Variants in PCBP3 observed in about 807,000 individuals in gnomAD.
PCBP3 encodes the protein poly(rC)-binding protein 3.
A neutral mutation model predicts 52.7 loss-of-function variants in PCBP3; 25 were observed. The ratio of observed to expected loss-of-function variants is 0.47; its 90% CI spans 0.35 to 0.66. The LOEUF is 0.66. Among genes scored for constraint, PCBP3 ranks in the 30% least tolerant of loss-of-function variants. The pLI is 0.01. For missense variants in PCBP3, 391 were observed against 490.3 expected, an observed-to-expected ratio of 0.80 and a Z score of 1.91; for synonymous variants, 162 against 183.0, an observed-to-expected ratio of 0.89 and a Z score of 0.93.
intron 1 of PCBP3, among the ~76,000 whole-genome samples, chr21:45,662,271 GTTTTTTTTTTTTTTTTTT>G (rs59220095): frequency 2.1e-5 from 2 of 97,274 alleles, no homozygotes; most frequent in African/African-American, 9.4e-5. Context: ...ATATACCTAA[GTTTTTTTTTTTTTTTTTT>G]TTTTTTTTTT....
chr21:45,680,351 C>T (rs1886298897), intron 2 of PCBP3, among the ~76,000 whole-genome samples: 1 of 152,068 alleles, frequency 6.6e-6, no homozygotes, highest in South Asian at 2.1e-4. Context: ...TATCCATGAA[C>T]TTAGTATGTC....
At chr21:45,652,129 CAAAT>C (rs1267301933) in intron 1 of PCBP3, among the ~76,000 whole-genome samples, 1 of 152,200 alleles carries the variant, frequency 6.6e-6, no homozygotes, top group Non-Finnish European at 1.5e-5. Flanking sequence ...GACACTGAGA[CAAAT>C]AAAGCCTTGT....
chr21:45,746,967 G>T (rs199876678), intron 3 of PCBP3, among the ~76,000 whole-genome samples: 3 of 146,410 alleles, frequency 2.0e-5, no homozygotes, highest in African/African-American at 5.1e-5. Context: ...TGTCAGCATC[G>T]CTGTGTCAGT....
chr21:45,672,997 G>A (rs562770967), intron 2 of PCBP3, among the ~76,000 whole-genome samples: 13 of 152,156 alleles, frequency 8.5e-5, no homozygotes, highest in Non-Finnish European at 1.5e-4. Flanking sequence ...GAGGCTGGGT[G>A]TGTGCATTAT....
At chr21:45,814,630 GGTGAGTGGTGA>G (rs1429363166) in intron 4 of PCBP3, among the ~76,000 whole-genome samples, 52 of 132,506 alleles carry the variant, frequency 3.9e-4, no homozygotes, top group Admixed American at 1.3e-3. Context: ...AGTGATGAGT[GGTGAGTGGTGA>G]GTGAGTGGTG....
chr21:45,909,824 G>A (rs549289630), intron 10 of PCBP3, among the ~76,000 whole-genome samples: 1 of 8,084 alleles, frequency 1.2e-4, no homozygotes. Context: ...ATACGGACCC[G>A]GCCCACCCAC....
intron 2 of PCBP3, among the ~76,000 whole-genome samples, chr21:45,730,299 T>C (rs554035414): frequency 3.9e-5 from 6 of 152,038 alleles, no homozygotes; most frequent in African/African-American, 7.2e-5. Flanking sequence ...TATTTAGACA[T>C]GTGCTGTTTA....
chr21:45,872,916 T>C (rs1603460562), intron 5 of PCBP3: 2 of 152,246 alleles, frequency 1.3e-5, no homozygotes. Flanking sequence ...TCATATATAC[T>C]GCTGATTGCA....
At chr21:45,885,360 T>C (rs1213781058) in intron 5 of PCBP3, among the ~76,000 whole-genome samples, 1 of 152,190 alleles carries the variant, frequency 6.6e-6, no homozygotes, top group Non-Finnish European at 1.5e-5. Context: ...CAATGTGTGT[T>C]TGTGTGGATT....
chr21:45,720,725 A>G (rs1489346581), intron 2 of PCBP3, among the ~76,000 whole-genome samples: 1 of 152,164 alleles, frequency 6.6e-6, no homozygotes, highest in African/African-American at 2.4e-5. Flanking sequence ...GTTTTGACAG[A>G]TGCTTCTCTT....
At chr21:45,852,264 G>T (rs1322049406) in intron 5 of PCBP3, among the ~76,000 whole-genome samples, 5 of 152,240 alleles carry the variant, frequency 3.3e-5, no homozygotes, top group Admixed American at 1.3e-4. Context: ...AAAGCTGACG[G>T]CTTCGAAGGT....
chr21:45,856,240 G>T (rs2094289385), intron 5 of PCBP3, among the ~76,000 whole-genome samples: 2 of 152,174 alleles, frequency 1.3e-5, no homozygotes, highest in Non-Finnish European at 2.9e-5. Context: ...GCCTCTAAGG[G>T]TGGACACCTA....
chr21:45,782,979 G>T (rs1306745107), intron 4 of PCBP3, among the ~76,000 whole-genome samples: 1 of 152,180 alleles, frequency 6.6e-6, no homozygotes, highest in Non-Finnish European at 1.5e-5. Flanking sequence ...CATGTAGTTT[G>T]TACTCCCACT....
chr21:45,689,420 A>G (rs957281763), intron 2 of PCBP3, among the ~76,000 whole-genome samples: 12 of 152,118 alleles, frequency 7.9e-5, no homozygotes, highest in African/African-American at 2.9e-4. Context: ...AGGAAACAAA[A>G]AAAGGGAACT....
At chr21:45,796,395 T>G (rs187412663) in intron 4 of PCBP3, among the ~76,000 whole-genome samples, 158 of 152,360 alleles carry the variant, frequency 1.0e-3, no homozygotes, top group African/African-American at 3.7e-3. Context: ...GAGGTTTTGC[T>G]GTGTCTCCTG....
At chr21:45,893,036 G>A (rs2095717831) in intron 5 of PCBP3, among the ~76,000 whole-genome samples, 1 of 152,108 alleles carries the variant, frequency 6.6e-6, no homozygotes, top group South Asian at 2.1e-4. Flanking sequence ...CATGAGGAGG[G>A]ACCATGATGG....
chr21:45,712,014 G>T (rs925903982), intron 2 of PCBP3, among the ~76,000 whole-genome samples: 2 of 152,156 alleles, frequency 1.3e-5, no homozygotes, highest in African/African-American at 4.8e-5. Flanking sequence ...CATATAGTTG[G>T]AGTGATACAG....
chr21:45,811,284 T>C (rs1259089752), intron 4 of PCBP3, among the ~76,000 whole-genome samples: 1 of 152,170 alleles, frequency 6.6e-6, no homozygotes, highest in Non-Finnish European at 1.5e-5. Flanking sequence ...CCCACTGGGC[T>C]CTCCGCAGCA....
intron 4 of PCBP3, among the ~76,000 whole-genome samples, chr21:45,784,943 C>T (rs1023610048): frequency 6.0e-5 from 9 of 151,040 alleles, no homozygotes; most frequent in Non-Finnish European, 1.3e-4. Context: ...TGTGAGGAGC[C>T]CCTCTGCCTG....
Sources: gnomAD v4.1 joint callset for allele counts (sites outside exome capture counted in the v4.1 genomes callset) on GRCh38, gnomAD v4.1.1 for gene constraint, MANE v1.5 for transcripts, NCBI Gene and HGNC (gene_info 2026-07-23, HGNC 2026-07-21) for gene names.